Variants in CERS3 observed in about 807,000 individuals in gnomAD.
The protein encoded by CERS3 is ceramide synthase 3, also known as LAG1 homolog, ceramide synthase 3.
Under a neutral mutation model 50.3 loss-of-function variants are expected in CERS3, and 33 were observed. The ratio of observed to expected loss-of-function variants is 0.66; its 90% confidence interval spans 0.50 to 0.88. The LOEUF (loss-of-function observed/expected upper bound fraction) is 0.88, where lower values mean the gene tolerates loss of function less well. CERS3 is among the 40% of genes least tolerant of loss of function. The pLI, the probability that CERS3 is intolerant of heterozygous loss-of-function variation, is 0.00. For missense variants in CERS3, 470 were observed against 460.3 expected, an observed-to-expected ratio of 1.02 and a Z score of -0.19; for synonymous variants, 176 against 155.2, an observed-to-expected ratio of 1.13 and a Z score of -0.99.
At chr15:100,448,103 A>G (rs2034009299) in intron 11 of CERS3, among the ~76,000 whole-genome samples, 1 of 152,236 alleles carries the variant, frequency 6.6e-6, no homozygotes, top group South Asian at 2.1e-4. Flanking sequence ...AAATAAACAT[A>G]AGGCTCTGAA....
chr15:100,467,553 A>G (rs2034787271), intron 10 of CERS3, among the ~76,000 whole-genome samples: 1 of 151,976 alleles, frequency 6.6e-6, no homozygotes. Flanking sequence ...AAGTTTGCCC[A>G]CTGCTGTCTT....
chr15:100,510,958 G>A (rs1396024195), intron 2 of CERS3, among the ~76,000 whole-genome samples: 2 of 152,094 alleles, frequency 1.3e-5, no homozygotes, highest in Admixed American at 6.6e-5. Context: ...TTATTTCCAG[G>A]TAGACTGTAA....
At chr15:100,405,103 A>G (rs1262112440) in intron 11 of CERS3, among the ~76,000 whole-genome samples, 6 of 152,150 alleles carry the variant, frequency 3.9e-5, no homozygotes, top group Admixed American at 1.3e-4. Context: ...AATTCATCAA[A>G]ATTAAAAACT....
upstream of CERS3, among the ~76,000 whole-genome samples, chr15:100,530,533 T>C (rs2036912219): frequency 6.6e-6 from 1 of 152,210 alleles, no homozygotes; most frequent in South Asian, 2.1e-4. Flanking sequence ...GGTATACCTT[T>C]ATTGCAACAC....
intron 11 of CERS3, among the ~76,000 whole-genome samples, chr15:100,425,275 G>A (rs1005992351): frequency 2.6e-5 from 4 of 152,192 alleles, no homozygotes; most frequent in African/African-American, 4.8e-5. Context: ...CAAAATGGTA[G>A]ATTTATTGAC....
chr15:100,506,404 C>T (rs2036179918), intron 2 of CERS3, among the ~76,000 whole-genome samples: 1 of 151,906 alleles, frequency 6.6e-6, no homozygotes, highest in Non-Finnish European at 1.5e-5. Flanking sequence ...AGGCCCTTCA[C>T]ACCCATAGCT....
chr15:100,515,148 C>G (rs576905595), intron 2 of CERS3, among the ~76,000 whole-genome samples: 1 of 152,222 alleles, frequency 6.6e-6, no homozygotes, highest in South Asian at 2.1e-4. Context: ...GTTTCATATA[C>G]AAAAGCTAAT....
intron 4 of CERS3, among the ~76,000 whole-genome samples, 196 bp downstream of exon 4, chr15:100,490,621 T>C (rs143722644): frequency 2.3e-4 from 35 of 152,326 alleles, no homozygotes; most frequent in African/African-American, 7.9e-4. Flanking sequence ...ATATTTGTTA[T>C]TTTATATTAT....
chr15:100,489,077 T>G (rs571403914), intron 4 of CERS3, among the ~76,000 whole-genome samples: 9 of 151,836 alleles, frequency 5.9e-5, no homozygotes, highest in East Asian at 1.9e-4. Context: ...GCCCAGCCAC[T>G]TTTTTTTTCC....
intron 1 of CERS3, among the ~76,000 whole-genome samples, chr15:100,543,482 G>C (rs4965669): frequency 0.37 from 55,205 of 149,874 alleles, 11,426 homozygotes; most frequent in Non-Finnish European, 0.45. Context: ...ACAAGAGAAG[G>C]CTTCCTTCCT....
intron 11 of CERS3, among the ~76,000 whole-genome samples, chr15:100,451,524 A>C (rs1466159070): frequency 1.3e-5 from 2 of 152,194 alleles, no homozygotes; most frequent in African/African-American, 2.4e-5. Context: ...TAACATGGTG[A>C]AACCCTGTCT....
At chr15:100,443,194 T>C (rs960014801) in intron 11 of CERS3, among the ~76,000 whole-genome samples, 122 of 150,602 alleles carry the variant, frequency 8.1e-4, no homozygotes, top group African/African-American at 2.8e-3. Flanking sequence ...AAGTATAAGA[T>C]ACCTCTACTC....
At chr15:100,538,895 C>A (rs903807884) in intron 1 of CERS3, among the ~76,000 whole-genome samples, 1 of 152,216 alleles carries the variant, frequency 6.6e-6, no homozygotes, top group Non-Finnish European at 1.5e-5. Context: ...TTCTTTTAAA[C>A]ATAAGTTCCA....
At chr15:100,459,998 T>C (rs1376220087) in intron 10 of CERS3, among the ~76,000 whole-genome samples, 1 of 152,184 alleles carries the variant, frequency 6.6e-6, no homozygotes, top group East Asian at 1.9e-4. Context: ...ATGCTCTTTA[T>C]ATACTAAAGA....
intron 2 of CERS3, among the ~76,000 whole-genome samples, chr15:100,517,997 T>G (rs1057108921): frequency 6.6e-6 from 1 of 152,222 alleles, no homozygotes; most frequent in Non-Finnish European, 1.5e-5. Flanking sequence ...GTTTTCTACC[T>G]TGAGCAAATG....
chr15:100,505,165 G>A (rs1173775300), intron 2 of CERS3, among the ~76,000 whole-genome samples: 1 of 152,084 alleles, frequency 6.6e-6, no homozygotes, highest in East Asian at 1.9e-4. Context: ...AGGACTCAGG[G>A]AACACATAGC....
chr15:100,402,608 G>A lies in CERS3; in HGVS notation c.*105C>T, dbSNP rs963145817. ...CTTAGGTGGGAGGGAAGGCGGTGGT[G>A]AGAAAGAGGGAAGGGCAGAATGTGG... is the stretch of plus-strand genomic sequence containing the variant. On this transcript the variant is annotated 3_prime_UTR_variant, in exon 12 of 12. Transcript: ENST00000679737. 7 of 1,133,830 alleles carry A rather than the reference G, an allele frequency of 6.2e-6. No individual in the cohort carries two copies. The East Asian group carries it at 1.5e-4, about 24-fold the overall frequency. The allele number at this position is 1,133,830 out of a possible 1,614,324, so 70.2% of individuals were successfully genotyped here.
chr15:100,469,510 T>G (rs371975349), intron 9 of CERS3, 26 bp from the exon 10 acceptor site: 292 of 1,460,980 alleles, frequency 2.0e-4, no homozygotes, highest in Non-Finnish European at 2.8e-4. Context: ...AAACTGCAGA[T>G]AAAGTGACAA....
intron 2 of CERS3, among the ~76,000 whole-genome samples, chr15:100,517,161 A>G (rs2036512614): frequency 2.0e-5 from 3 of 152,204 alleles, no homozygotes; most frequent in African/African-American, 7.2e-5. Flanking sequence ...AAATAGACAC[A>G]ACATTTTATG....
Sources: allele counts gnomAD v4.1 joint callset (sites outside exome capture counted in the v4.1 genomes callset), GRCh38; gene constraint gnomAD v4.1.1; transcripts MANE v1.5; gene names NCBI Gene and HGNC (gene_info 2026-07-23, HGNC 2026-07-21).